The following SORCS3 variants were observed in gnomAD, a reference collection of about 807,000 sequenced individuals.
The protein encoded by SORCS3 is sortilin related VPS10 domain containing receptor 3, also known as VPS10 domain-containing receptor SorCS3.
Under a neutral mutation model 146.3 loss-of-function variants are expected in SORCS3, and 57 were observed. The ratio of observed to expected loss-of-function variants is 0.39; its 90% CI spans 0.31 to 0.49. The LOEUF (loss-of-function observed/expected upper bound fraction) is 0.49, where lower values mean the gene tolerates loss of function less well. Among genes scored for constraint, SORCS3 ranks in the 20% least tolerant of loss-of-function variants. SORCS3 has a pLI of 0.92. For synonymous variants in SORCS3, 653 were observed against 618.5 expected, an observed-to-expected ratio of 1.06 and a Z score of -0.83; for missense variants, 1,341 against 1,575.5, an observed-to-expected ratio of 0.85 and a Z score of 2.52.
chr10:104,879,129 T>A (rs1564704327), intron 2 of SORCS3, among the ~76,000 whole-genome samples: 1 of 152,220 alleles, frequency 6.6e-6, no homozygotes, highest in Non-Finnish European at 1.5e-5. Context: ...TTAAAACTAT[T>A]GTAACAAATT....
intron 23 of SORCS3, among the ~76,000 whole-genome samples, chr10:105,255,138 G>A (rs1169290827): frequency 7.3e-6 from 1 of 137,114 alleles, no homozygotes; most frequent in African/African-American, 2.8e-5. Context: ...GCGGTGAGCC[G>A]AGATCGCGCC....
At chr10:105,245,276 G>C (rs1425945046) in intron 20 of SORCS3, among the ~76,000 whole-genome samples, 1 of 152,080 alleles carries the variant, frequency 6.6e-6, no homozygotes, top group African/African-American at 2.4e-5. Flanking sequence ...TTTGCCCCAG[G>C]AGAAGGAGCA....
intron 1 of SORCS3, among the ~76,000 whole-genome samples, chr10:104,741,610 A>G (rs1285282854): frequency 1.5e-5 from 2 of 137,734 alleles, no homozygotes; most frequent in African/African-American, 2.7e-5. Context: ...TTTTTTTTTC[A>G]GTCCATTTTC....
At chr10:105,251,714 A>C (rs1296488899) in intron 22 of SORCS3, among the ~76,000 whole-genome samples, 1 of 152,194 alleles carries the variant, frequency 6.6e-6, no homozygotes, top group African/African-American at 2.4e-5. Context: ...CTTACCCTTC[A>C]CGGGGGAGAA....
chr10:105,096,103 T>TACAC (rs60438282), intron 6 of SORCS3, among the ~76,000 whole-genome samples: 3,207 of 145,280 alleles, frequency 0.022, 81 homozygotes, highest in African/African-American at 0.064. Context: ...ACCTCACAAA[T>TACAC]ACACACACAC....
intron 1 of SORCS3, among the ~76,000 whole-genome samples, chr10:104,667,277 A>G (rs191191749): frequency 1.9e-4 from 29 of 151,902 alleles, no homozygotes; most frequent in South Asian, 4.2e-4. Context: ...CCCACAACCA[A>G]TACCCTTCTC....
intron 5 of SORCS3, among the ~76,000 whole-genome samples, chr10:105,064,218 G>A (rs2055506857): frequency 6.6e-6 from 1 of 152,122 alleles, no homozygotes; most frequent in Non-Finnish European, 1.5e-5. Flanking sequence ...TACTAACTGT[G>A]GTAAGAGCAA....
chr10:104,705,533 T>G (rs964333851), intron 1 of SORCS3, among the ~76,000 whole-genome samples: 7 of 152,216 alleles, frequency 4.6e-5, no homozygotes, highest in African/African-American at 1.7e-4. Context: ...TTCTGTTGAT[T>G]TACATATTAC....
chr10:104,677,529 G>T (rs758230154), intron 1 of SORCS3, among the ~76,000 whole-genome samples: 1 of 152,208 alleles, frequency 6.6e-6, no homozygotes, highest in Non-Finnish European at 1.5e-5. Context: ...GGAACCTGGT[G>T]CATTTGTTGT....
chr10:104,902,782 G>T (rs2018864851), intron 2 of SORCS3, among the ~76,000 whole-genome samples: 1 of 152,176 alleles, frequency 6.6e-6, no homozygotes, highest in South Asian at 2.1e-4. Flanking sequence ...TAATAACACT[G>T]CTTGATGGCA....
At position 105,079,056 on chromosome 10, in the gene SORCS3, T is replaced by C. The variant is rs578179863; in HGVS notation, c.1029-10719T>C. Among the ~76,000 whole-genome samples the C allele has an allele frequency of 8.5e-5, 13 of 152,312 alleles. No homozygotes were observed. In the South Asian group the frequency reaches 2.7e-3, roughly 32 times the overall value. On this transcript the variant is annotated intron_variant, in intron 5 of 26. Coordinates refer to ENST00000369701, the MANE Select transcript of SORCS3 (RefSeq NM_014978.3). ...CTGGACTTGACTCCTGGTTAATGAT[T>C]CTCAAAGTGTGAATCTTGACCATCA...
At chr10:104,931,804 T>A (rs1197750178) in intron 3 of SORCS3, among the ~76,000 whole-genome samples, 1 of 152,160 alleles carries the variant, frequency 6.6e-6, no homozygotes. Context: ...CTTGACTGAT[T>A]AAAGCAGTTA....
intron 5 of SORCS3, among the ~76,000 whole-genome samples, chr10:105,081,783 G>A (rs749547672): frequency 3.1e-4 from 47 of 152,130 alleles, no homozygotes; most frequent in Admixed American, 7.2e-4. Flanking sequence ...GAACTCAGAA[G>A]GGCTCCCAAT....
rs555372127 is a variant in SORCS3 at position 104,687,424 on chromosome 10, A to T, written c.627+45470A>T. Among the ~76,000 whole-genome samples, 22 of 152,300 alleles carry T rather than the reference A, an allele frequency of 1.4e-4. No individual in the cohort carries two copies. In the South Asian group the frequency reaches 1.7e-3, roughly 11 times the overall value. On this transcript the variant is annotated intron_variant, in intron 1 of 26. Coordinates refer to ENST00000369701, the MANE Select transcript of SORCS3 (RefSeq NM_014978.3). ...ACCAGTGGCTGAGCTTCCTTTAATG[A>T]TGAGCAACATCTTTATTCTCTAAAA...
At chr10:104,787,197 T>A (rs2017447025) in intron 1 of SORCS3, among the ~76,000 whole-genome samples, 2 of 152,256 alleles carry the variant, frequency 1.3e-5, no homozygotes, top group South Asian at 2.1e-4. Context: ...AGGAGGAGGA[T>A]GTGAGGCAGC....
chr10:104,948,362 CA>C (rs1329061804), intron 3 of SORCS3, among the ~76,000 whole-genome samples: 3 of 152,032 alleles, frequency 2.0e-5, no homozygotes, highest in African/African-American at 7.3e-5. Context: ...GATGTTGATG[CA>C]TCATGGAAAA....
At chr10:104,669,406 C>A (rs538144944) in intron 1 of SORCS3, among the ~76,000 whole-genome samples, 1 of 152,262 alleles carries the variant, frequency 6.6e-6, no homozygotes, top group South Asian at 2.1e-4. Flanking sequence ...CCCCATTCTA[C>A]CCTACTTCCA....
At chr10:105,032,341 T>A (rs2055274345) in intron 4 of SORCS3, among the ~76,000 whole-genome samples, 1 of 152,168 alleles carries the variant, frequency 6.6e-6, no homozygotes, top group African/African-American at 2.4e-5. Flanking sequence ...CTTCAGGAAG[T>A]GTGGACGGAA....
At chr10:104,971,137 T>G (rs1215292999) in intron 3 of SORCS3, among the ~76,000 whole-genome samples, 2 of 152,300 alleles carry the variant, frequency 1.3e-5, no homozygotes, top group East Asian at 3.9e-4. Context: ...GTTTTAAGGA[T>G]TTTGGAATAT....
Sources: allele counts gnomAD v4.1 joint callset (sites outside exome capture counted in the v4.1 genomes callset), GRCh38; gene constraint gnomAD v4.1.1; transcripts MANE v1.5; gene names NCBI Gene and HGNC (gene_info 2026-07-23, HGNC 2026-07-21).